ADAMTS6: variants seen among roughly 807,000 people sequenced by gnomAD.
ADAMTS6 encodes the protein ADAM metallopeptidase with thrombospondin type 1 motif 6.
In ADAMTS6, 23 loss-of-function variants were observed where a neutral mutation model predicts 144.3. The ratio of observed to expected loss-of-function variants is 0.16; its 90% CI spans 0.11 to 0.23. The LOEUF is 0.23. Among genes scored for constraint, ADAMTS6 ranks in the 10% least tolerant of loss-of-function variants. The pLI, the probability that ADAMTS6 is intolerant of heterozygous loss-of-function variation, is 1.00. For missense variants in ADAMTS6, 999 were observed against 1,379.6 expected (o/e 0.72, Z 4.37); for synonymous variants, 444 against 457.5 (o/e 0.97, Z 0.38).
At chr5:65,265,630 A>C (rs1761562737) in intron 12 of ADAMTS6, among the ~76,000 whole-genome samples, 1 of 151,940 alleles carries the variant, frequency 6.6e-6, no homozygotes, top group African/African-American at 2.4e-5. Flanking sequence ...GAAACTTCAA[A>C]TCTTAAAACA....
intron 7 of ADAMTS6, among the ~76,000 whole-genome samples, chr5:65,406,899 C>T (rs1310015167): frequency 6.6e-6 from 1 of 151,958 alleles, no homozygotes; most frequent in African/African-American, 2.4e-5. Context: ...TTGAAGATCA[C>T]ATGAATGAAA....
At chr5:65,173,041 C>T (rs1420450171) in intron 22 of ADAMTS6, 33 bp from the exon 23 acceptor site, 2 of 1,600,912 alleles carry the variant, frequency 1.2e-6, no homozygotes, top group Admixed American at 1.7e-5. Context: ...TGAATCACGA[C>T]AGTTTAAAGA....
At chr5:65,210,633 G>C in intron 20 of ADAMTS6, 1 of 610,228 alleles carries the variant, frequency 1.6e-6, no homozygotes, top group Non-Finnish European at 3.0e-6. Context: ...ATGGAGGCTT[G>C]TCTATCCCTC....
chr5:65,466,332 T>C (rs757682377), intron 3 of ADAMTS6, among the ~76,000 whole-genome samples: 3 of 152,204 alleles, frequency 2.0e-5, no homozygotes, highest in Non-Finnish European at 2.9e-5. Context: ...AGATCATATC[T>C]TTGTACTTTA....
At chr5:65,211,972 C>T (rs1335696481) in intron 20 of ADAMTS6, among the ~76,000 whole-genome samples, 1 of 152,110 alleles carries the variant, frequency 6.6e-6, no homozygotes, top group Non-Finnish European at 1.5e-5. Flanking sequence ...GTGATGAAGA[C>T]ACGGATTCCA....
intron 11 of ADAMTS6, among the ~76,000 whole-genome samples, chr5:65,285,376 A>G (rs762063153): frequency 1.3e-5 from 2 of 152,118 alleles, no homozygotes; most frequent in African/African-American, 2.4e-5. Context: ...TCTTCACCAG[A>G]TAACTCTTCT....
chr5:65,184,104 T>C (rs754317328), intron 22 of ADAMTS6, among the ~76,000 whole-genome samples: 10 of 152,214 alleles, frequency 6.6e-5, no homozygotes, highest in Non-Finnish European at 1.5e-4. Flanking sequence ...TCATTTAAAA[T>C]CCGACCAGAC....
At chr5:65,309,770 G>A (rs954848797) in intron 9 of ADAMTS6, among the ~76,000 whole-genome samples, 1 of 152,090 alleles carries the variant, frequency 6.6e-6, no homozygotes, top group Non-Finnish European at 1.5e-5. Context: ...TGGTTCTCAA[G>A]TTTTGAAGCT....
chr5:65,171,438 T>C (rs1257803279), intron 23 of ADAMTS6, among the ~76,000 whole-genome samples: 2 of 152,144 alleles, frequency 1.3e-5, no homozygotes, highest in Non-Finnish European at 2.9e-5. Flanking sequence ...TCAATATACT[T>C]CCCAGAAGAT....
chr5:65,467,621 C>T (rs774130069), intron 3 of ADAMTS6, among the ~76,000 whole-genome samples: 1 of 152,118 alleles, frequency 6.6e-6, no homozygotes, highest in Non-Finnish European at 1.5e-5. Context: ...CCCAGTACCA[C>T]CATCCATCAT....
intron 7 of ADAMTS6, among the ~76,000 whole-genome samples, chr5:65,439,243 C>G (rs755513641): frequency 1.3e-5 from 2 of 152,078 alleles, no homozygotes; most frequent in Non-Finnish European, 2.9e-5. Flanking sequence ...AATATCATCA[C>G]TGGATGCCAA....
At chr5:65,451,253 T>C (rs1758719155) in intron 7 of ADAMTS6, 1 of 442,124 alleles carries the variant, frequency 2.3e-6, no homozygotes, top group Non-Finnish European at 3.9e-6. Context: ...AGTTATTTAT[T>C]AAATTTCTAA....
At chr5:65,425,283 C>T (rs1756413092) in intron 7 of ADAMTS6, among the ~76,000 whole-genome samples, 1 of 152,226 alleles carries the variant, frequency 6.6e-6, no homozygotes, top group East Asian at 1.9e-4. Context: ...CAGCCTCAGC[C>T]TCCCAAACTG....
chr5:65,230,276 A>C (rs1758048367), intron 15 of ADAMTS6, among the ~76,000 whole-genome samples: 1 of 100,026 alleles, frequency 1.0e-5, no homozygotes, highest in African/African-American at 3.7e-5. Flanking sequence ...CACAAAGCAA[A>C]ATACCTAAAG....
chr5:65,226,049 C>CA, intron 16 of ADAMTS6, 37 bp downstream of exon 16: 1 of 1,558,854 alleles, frequency 6.4e-7, no homozygotes, highest in Non-Finnish European at 8.7e-7. Flanking sequence ...ATAAAAGTCT[C>CA]AAAAACCCCA....
chr5:65,312,695 A>G (rs1423317257), intron 9 of ADAMTS6, among the ~76,000 whole-genome samples: 1 of 151,982 alleles, frequency 6.6e-6, no homozygotes, highest in African/African-American at 2.4e-5. Context: ...AGCACTTCTG[A>G]GTTGAAGGTT....
At chr5:65,193,953 T>A (rs1467402729) in intron 21 of ADAMTS6, among the ~76,000 whole-genome samples, 1 of 152,234 alleles carries the variant, frequency 6.6e-6, no homozygotes, top group Non-Finnish European at 1.5e-5. Context: ...CAATTTTTTT[T>A]ATATACACAT....
intron 7 of ADAMTS6, among the ~76,000 whole-genome samples, chr5:65,372,812 T>C (rs1247201131): frequency 3.3e-5 from 5 of 152,122 alleles, no homozygotes; most frequent in African/African-American, 7.2e-5. Context: ...ACATTTTTCT[T>C]AGCACCACAC....
intron 7 of ADAMTS6, among the ~76,000 whole-genome samples, chr5:65,375,837 A>G (rs576439671): frequency 1.7e-4 from 26 of 152,338 alleles, no homozygotes; most frequent in South Asian, 8.3e-4. Context: ...CATTATTCAC[A>G]ATAGCAAAGA....
Sources: allele counts gnomAD v4.1 joint callset (sites outside exome capture counted in the v4.1 genomes callset), GRCh38; gene constraint gnomAD v4.1.1; transcripts MANE v1.5; gene names NCBI Gene and HGNC (gene_info 2026-07-23, HGNC 2026-07-21).